The following CCDC178 variants were observed in gnomAD, a reference collection of about 807,000 sequenced individuals.
CCDC178 encodes the protein coiled-coil domain containing 178.
Under a neutral mutation model 117.4 loss-of-function variants are expected in CCDC178, and 126 were observed. The ratio of observed to expected loss-of-function variants is 1.07; its 90% CI spans 0.93 to 1.24. The LOEUF (loss-of-function observed/expected upper bound fraction) is 1.24, where lower values mean the gene tolerates loss of function less well. Ranked by LOEUF, CCDC178 falls within the 50% of genes most tolerant of loss-of-function variation. CCDC178 has a pLI of 0.00. For synonymous variants in CCDC178, 283 were observed against 313.4 expected (o/e 0.90, Z 1.02); for missense variants, 1,030 against 986.9 (o/e 1.04, Z -0.59).
intron 21 of CCDC178, chr18:32,983,332 C>T (rs1358385334): frequency 1.3e-6 from 2 of 1,530,466 alleles, no homozygotes; most frequent in Admixed American, 2.0e-5. Context: ...TTGGAAGTTT[C>T]TTAGGTAAGA....
In CCDC178 at chr18:33,059,972, T is replaced by C. The variant is rs79591525; in HGVS notation, c.2388+32789A>G. On this transcript the variant is annotated intron_variant, in intron 21 of 22. Transcript: ENST00000383096. ...CTCCTTTCCAAACTCTTTGGGATGC[T>C]ACCTGCAGCTACTTCTGCCTAATAT... Among the ~76,000 whole-genome samples the C allele has an allele frequency of 8.2e-4, 125 of 152,330 alleles. 1 individual carries two copies. Among genetic ancestry groups the C allele is most frequent in the African/African-American group, 2.9e-3 (122 of 41,588 alleles).
intron 21 of CCDC178, 73 bp downstream of exon 21, chr18:33,092,688 C>G: frequency 4.8e-6 from 5 of 1,045,574 alleles, no homozygotes; most frequent in Non-Finnish European, 7.0e-6. Context: ...GGCACCCAAA[C>G]TGACTACTTT....
intron 21 of CCDC178, among the ~76,000 whole-genome samples, chr18:33,089,199 T>A (rs2057426059): frequency 6.6e-6 from 1 of 152,078 alleles, no homozygotes; most frequent in Non-Finnish European, 1.5e-5. Flanking sequence ...ATAATTTACA[T>A]GTTTTTTTCA....
At chr18:33,367,267 G>A (rs993687263) in intron 6 of CCDC178, among the ~76,000 whole-genome samples, 11 of 152,012 alleles carry the variant, frequency 7.2e-5, no homozygotes, top group African/African-American at 2.2e-4. Context: ...TTGAACTCAT[G>A]AATATAGAGA....
At chr18:33,250,167 A>G (rs1332931184) in intron 14 of CCDC178, among the ~76,000 whole-genome samples, 1 of 151,822 alleles carries the variant, frequency 6.6e-6, no homozygotes, top group African/African-American at 2.4e-5. Flanking sequence ...AAATGTCAAC[A>G]AATATATGTA....
At chr18:33,086,596 C>T (rs776342941) in intron 21 of CCDC178, among the ~76,000 whole-genome samples, 4 of 151,780 alleles carry the variant, frequency 2.6e-5, no homozygotes, top group Non-Finnish European at 5.9e-5. Flanking sequence ...ACAGAGTTAA[C>T]AGATTTCTTA....
chr18:32,966,469 G>T (rs567351734), intron 22 of CCDC178, among the ~76,000 whole-genome samples: 48 of 151,832 alleles, frequency 3.2e-4, no homozygotes, highest in African/African-American at 1.1e-3. Flanking sequence ...TTTAAAAAAT[G>T]TTCATCAACT....
intron 21 of CCDC178, among the ~76,000 whole-genome samples, chr18:32,985,994 AT>A (rs2055254887): frequency 2.0e-5 from 3 of 152,064 alleles, no homozygotes; most frequent in African/African-American, 7.2e-5. Context: ...ATAGAAAGAT[AT>A]TTTTGTTTTT....
At chr18:33,151,581 A>G (rs2058341636) in intron 20 of CCDC178, among the ~76,000 whole-genome samples, 1 of 152,222 alleles carries the variant, frequency 6.6e-6, no homozygotes, top group South Asian at 2.1e-4. Flanking sequence ...CAAATCAACA[A>G]AGAGGATGAA....
At chr18:33,386,843 C>T (rs2063499627) in intron 5 of CCDC178, among the ~76,000 whole-genome samples, 1 of 152,058 alleles carries the variant, frequency 6.6e-6, no homozygotes, top group African/African-American at 2.4e-5. Context: ...TCTTATTCAA[C>T]ATAGTGTTGG....
At chr18:33,012,852 C>G (rs1278626521) in intron 21 of CCDC178, among the ~76,000 whole-genome samples, 2 of 152,174 alleles carry the variant, frequency 1.3e-5, no homozygotes, top group Non-Finnish European at 2.9e-5. Flanking sequence ...AGTCCAGCAG[C>G]AGCCCAGTGG....
chr18:33,186,907 G>A (rs1200348407), intron 20 of CCDC178, among the ~76,000 whole-genome samples: 1 of 152,034 alleles, frequency 6.6e-6, no homozygotes, highest in African/African-American at 2.4e-5. Flanking sequence ...GAAAGAGGTT[G>A]TGATGGACAG....
chr18:33,137,812 C>T (rs1044694988), intron 20 of CCDC178, among the ~76,000 whole-genome samples: 3 of 152,162 alleles, frequency 2.0e-5, no homozygotes, highest in African/African-American at 4.8e-5. Flanking sequence ...ACTTGGAAGA[C>T]ACAATCACAC....
At chr18:33,049,037 A>G (rs572216945) in intron 21 of CCDC178, among the ~76,000 whole-genome samples, 3 of 152,266 alleles carry the variant, frequency 2.0e-5, no homozygotes, top group Admixed American at 2.0e-4. Context: ...ATCAACTGAT[A>G]AGCAAATGAT....
At chr18:33,407,881 C>G (rs992764369) in intron 3 of CCDC178, among the ~76,000 whole-genome samples, 93 of 151,414 alleles carry the variant, frequency 6.1e-4, no homozygotes, top group Admixed American at 2.0e-4. Context: ...TTTTGGAGAA[C>G]AGAAAATAAA....
chr18:33,344,698 T>G (rs2144672202), intron 9 of CCDC178, among the ~76,000 whole-genome samples: 1 of 152,060 alleles, frequency 6.6e-6, no homozygotes, highest in Non-Finnish European at 1.5e-5. Context: ...AGGAAAATTG[T>G]GCATGACTCC....
chr18:32,987,066 T>TTTTTAGTTGATTG (rs2144730377), intron 21 of CCDC178, among the ~76,000 whole-genome samples: 1 of 150,836 alleles, frequency 6.6e-6, no homozygotes, highest in Admixed American at 6.6e-5. Context: ...TTCAATCAAC[T>TTTTTAGTTGATTG]AAAAAGGCAG....
intron 2 of CCDC178, among the ~76,000 whole-genome samples, chr18:33,425,655 A>T (rs991866524): frequency 1.3e-5 from 2 of 152,270 alleles, no homozygotes; most frequent in African/African-American, 4.8e-5. Flanking sequence ...GTTGCTGGGA[A>T]GTCAGGATAC....
chr18:33,222,929 G>A (rs548840449), intron 18 of CCDC178, among the ~76,000 whole-genome samples, 177 bp downstream of exon 18: 15 of 152,154 alleles, frequency 9.9e-5, no homozygotes, highest in Admixed American at 7.9e-4. Flanking sequence ...GCAAGAGAAA[G>A]TAAATGAAAA....
Sources: gnomAD v4.1 joint callset for allele counts (sites outside exome capture counted in the v4.1 genomes callset) on GRCh38, gnomAD v4.1.1 for gene constraint, MANE v1.5 for transcripts, NCBI Gene and HGNC (gene_info 2026-07-23, HGNC 2026-07-21) for gene names.